The following PRRC2B variants were observed in gnomAD, a reference collection of about 807,000 sequenced individuals.
The protein encoded by PRRC2B is proline rich coiled-coil 2B.
A neutral mutation model predicts 242.3 loss-of-function variants in PRRC2B; 68 were observed. The observed-to-expected ratio is 0.28, with a 90% CI of 0.23 to 0.34. The LOEUF is 0.34. Among genes scored for constraint, PRRC2B ranks in the 10% least tolerant of loss-of-function variants. The pLI, the probability that PRRC2B is intolerant of heterozygous loss-of-function variation, is 1.00. For synonymous variants in PRRC2B, 1,228 were observed against 1,173.6 expected, an observed-to-expected ratio of 1.05 and a Z score of -0.95; for missense variants, 2,835 against 2,954.8, an observed-to-expected ratio of 0.96 and a Z score of 0.94.
intron 1 of PRRC2B, 101 bp downstream of exon 1, chr9:131,394,364 G>C (rs1836980563): frequency 6.8e-6 from 1 of 146,116 alleles, no homozygotes; most frequent in Non-Finnish European, 1.5e-5. Context: ...CCGCCGCCGG[G>C]GGCCCGGGGG....
intron 19 of PRRC2B, among the ~76,000 whole-genome samples, chr9:131,480,800 T>C (rs566693208): frequency 2.5e-4 from 38 of 152,066 alleles, no homozygotes; most frequent in Non-Finnish European, 4.3e-4. Context: ...TCCGGATCCA[T>C]GGCCATTCAA....
chr9:131,450,716 T>C (rs1942887941), intron 9 of PRRC2B, among the ~76,000 whole-genome samples: 1 of 151,856 alleles, frequency 6.6e-6, no homozygotes, highest in African/African-American at 2.4e-5. Flanking sequence ...GCCTTCCAAG[T>C]AGCTGGGATT....
chr9:131,446,323 C>A lies in PRRC2B; in HGVS notation c.614-78C>A, dbSNP rs1838797788. Reference sequence around the variant, plus strand: ...ATTTTTTTGGTGAAGGAGGGGGTCCCTTGACCTTCAGAACCTCATACGATC... The same window carrying A: ...ATTTTTTTGGTGAAGGAGGGGGTCCATTGACCTTCAGAACCTCATACGATC... On this transcript the variant is annotated intron_variant, in intron 6 of 31. Coordinates refer to ENST00000683519, the MANE Select transcript of PRRC2B (RefSeq NM_013318.4). The surrounding 1 kb of genome is among the most constrained non-coding windows in gnomAD (Gnocchi z 4.1). The A allele has an allele frequency of 6.5e-7, 1 of 1,532,432 alleles. No individual in the cohort carries two copies. Among genetic ancestry groups the A allele is most frequent in the African/African-American group, 1.4e-5 (1 of 72,612 alleles). 94.9% of individuals were successfully genotyped at this position (1,532,432 alleles called of 1,614,324 possible).
In PRRC2B at chr9:131,487,172, C is replaced by T. The variant is rs1020322856; in HGVS notation, c.5862C>T (p.Ala1954=). 51 of 1,613,502 alleles carry T rather than the reference C, an allele frequency of 3.2e-5. No individual in the cohort carries two copies. The highest frequency in any genetic ancestry group is 5.0e-5 in the Admixed American group (3 of 59,996). ...IPQQQSYQQA[A]AAQQIPISLH... ...CCCCGTTTTCCCGTTCACAGGCCGC[C>T]GCTGCCCAGCAGATCCCGATCTCCC... is the stretch of plus-strand genomic sequence containing the variant. The change falls in exon 27 of 32, where the codon GCC becomes GCT. Residue 1954 remains alanine, a synonymous_variant. Coordinates refer to ENST00000683519, the MANE Select transcript of PRRC2B (RefSeq NM_013318.4). This position sits in a 1 kb window ranked among gnomAD's most constrained non-coding sequence, Gnocchi z 5.3.
chr9:131,454,949 C>G (rs1446685355), intron 9 of PRRC2B, 127 bp from the exon 10 acceptor site: 3 of 674,890 alleles, frequency 4.4e-6, no homozygotes, highest in Non-Finnish European at 7.9e-6. Context: ...GTCTCAAACT[C>G]CTGTCCTCAT....
At chr9:131,406,217 C>T (rs1051835639) in intron 1 of PRRC2B, among the ~76,000 whole-genome samples, 4 of 152,120 alleles carry the variant, frequency 2.6e-5, no homozygotes, top group East Asian at 1.9e-4. Flanking sequence ...GGACCCGTAG[C>T]GCATTGCCCT....
intron 1 of PRRC2B, among the ~76,000 whole-genome samples, chr9:131,395,946 C>T (rs1017058110): frequency 1.3e-5 from 2 of 152,162 alleles, no homozygotes; most frequent in Admixed American, 1.3e-4. Flanking sequence ...AACTGCTTTC[C>T]TTGGGGATTG....
Position 131,477,956 on chromosome 9 carries a change from C to T in PRRC2B, c.4612+7C>T. On this transcript the variant is annotated splice_region_variant and intron_variant, in intron 17 of 31. Transcript: ENST00000683519. ...TTTGACCTGAACTATGGAAGTAAGT[C>T]ATCCTCATATCTTCAGGGGAAAGAA... The T allele has an allele frequency of 6.2e-7, 1 of 1,612,036 alleles. No homozygotes were observed. The highest frequency in any genetic ancestry group is 8.5e-7 in the Non-Finnish European group (1 of 1,178,178).
upstream of PRRC2B, among the ~76,000 whole-genome samples, chr9:131,389,834 G>A (rs1355115783): frequency 4.0e-5 from 6 of 149,122 alleles, no homozygotes; most frequent in Non-Finnish European, 5.9e-5. Flanking sequence ...CCCAATTTTC[G>A]CAGGTAGAAA....
In PRRC2B at chr9:131,475,126, C is replaced by T. The variant is rs773366760; in HGVS notation, c.2997C>T (p.Ser999=). 13 of 1,612,266 alleles carry T rather than the reference C, an allele frequency of 8.1e-6. No individual in the cohort carries two copies. The highest frequency in any genetic ancestry group is 2.2e-5 in the East Asian group (1 of 44,834). Residue 999 remains serine, a synonymous_variant, in exon 16 of 32, where the codon TCC becomes TCT. Coordinates refer to ENST00000683519, the MANE Select transcript of PRRC2B (RefSeq NM_013318.4). ...EENDASLANS[S]TTTLEDKGPG... ...ACGATGCCTCTCTGGCCAACTCCTC[C>T]ACCACCACTTTGGAGGACAAAGGCC...
intron 12 of PRRC2B, among the ~76,000 whole-genome samples, chr9:131,466,624 C>CT (rs11409798): frequency 0.88 from 129,866 of 147,864 alleles, 57,364 homozygotes; most frequent in South Asian, 0.95. Context: ...TCTATCAGTC[C>CT]TTTTTTTTTT....
At position 131,477,936 on chromosome 9, in the gene PRRC2B, C is replaced by T. The variant is rs1943750958; in HGVS notation, c.4599C>T (p.Asp1533=). The part of the protein sequence containing the change: ...GEQGEAMKQF[D]LNYGSAIIEN... ...AGGGAGAGGCCATGAAACAGTTTGACCTGAACTATGGAAGTAAGTCATCCT... is the reference window on the plus strand; with the variant it reads ...AGGGAGAGGCCATGAAACAGTTTGATCTGAACTATGGAAGTAAGTCATCCT... The change falls in exon 17 of 32, where the codon GAC becomes GAT. Residue 1533 remains aspartate, a synonymous_variant. Transcript: ENST00000683519. The T allele has an allele frequency of 6.2e-7, 1 of 1,613,750 alleles. No homozygotes were observed. The highest frequency in any genetic ancestry group is 1.1e-5 in the South Asian group (1 of 91,084).
chr9:131,454,217 C>T (rs1394262980), intron 9 of PRRC2B, among the ~76,000 whole-genome samples: 1 of 152,146 alleles, frequency 6.6e-6, no homozygotes, highest in African/African-American at 2.4e-5. Flanking sequence ...TTTTTCATGA[C>T]CAAATAATAT....
At chr9:131,441,644 G>A (rs576331848) in intron 5 of PRRC2B, among the ~76,000 whole-genome samples, 31 of 152,220 alleles carry the variant, frequency 2.0e-4, no homozygotes, top group Non-Finnish European at 4.4e-4. Flanking sequence ...TCCCCCTCTC[G>A]TGCTAGAGTC....
chr9:131,446,588 G>A lies in PRRC2B; in HGVS notation c.801G>A (p.Gln267=), dbSNP rs375068385. 3.1e-6 allele frequency: 5 copies of A among 1,613,860 alleles called. No individual in the cohort carries two copies. Among genetic ancestry groups the A allele is most frequent in the Non-Finnish European group, 4.2e-6 (5 of 1,179,876 alleles). Reference sequence around the variant, plus strand: ...AGCCTGTCCGAAAAGGGGCTTCACAGTTCATGGGAAATGTATACCACCCAC... The same window carrying A: ...AGCCTGTCCGAAAAGGGGCTTCACAATTCATGGGAAATGTATACCACCCAC... ...PAQPVRKGAS[Q]FMGNVYHPPT... is the part of the protein sequence containing the mutation. Residue 267 remains glutamine (Q), a synonymous_variant, in exon 7 of 32, where the codon CAG becomes CAA. Transcript: ENST00000683519. The surrounding 1 kb of genome is among the most constrained non-coding windows in gnomAD (Gnocchi z 4.1).
At chr9:131,382,436 G>T (rs1470328394) in intron 1 of PRRC2B, among the ~76,000 whole-genome samples, 1 of 152,066 alleles carries the variant, frequency 6.6e-6, no homozygotes, top group African/African-American at 2.4e-5. Flanking sequence ...ATAAAGACTG[G>T]CTGTGGTTTG....
chr9:131,430,813 A>G (rs902165210), intron 2 of PRRC2B, among the ~76,000 whole-genome samples: 14 of 151,000 alleles, frequency 9.3e-5, no homozygotes, highest in African/African-American at 3.4e-4. Flanking sequence ...GGCTGGTCTC[A>G]AACTCGTGAC....
chr9:131,462,836 T>TAAAAA (rs553444971), intron 11 of PRRC2B, among the ~76,000 whole-genome samples: 31,968 of 81,440 alleles, frequency 0.39, 7,291 homozygotes, highest in African/African-American at 0.43. Context: ...AGACTCCGTC[T>TAAAAA]AAAAAAAAAA....
In PRRC2B at chr9:131,478,621, TGA is replaced by T; in HGVS notation, c.4758+4_4758+5del. On this transcript the variant is annotated splice_donor_region_variant and intron_variant, in intron 18 of 31. Transcript: ENST00000683519. ...AGAAAGAAGGAGCAGGCCGTGCAGG[TGA>T]GGGGCGGAGGGTGGGGGGGCATGGG... 1 of 351,294 alleles carries T rather than the reference TGA, an allele frequency of 2.8e-6. No homozygotes were observed. Among genetic ancestry groups the T allele is most frequent in the Non-Finnish European group, 4.4e-6 (1 of 227,216 alleles). The allele number at this position is 351,294 out of a possible 1,614,324, so 21.8% of individuals were successfully genotyped here.
Sources: gnomAD v4.1 joint callset for allele counts (sites outside exome capture counted in the v4.1 genomes callset) on GRCh38, gnomAD v4.1.1 for gene constraint, Gnocchi (gnomAD v3.1) non-coding constraint, MANE v1.5 for transcripts, NCBI Gene and HGNC (gene_info 2026-07-23, HGNC 2026-07-21) for gene names.